The following PPL variants were observed in gnomAD, a reference collection of about 807,000 sequenced individuals.
PPL encodes periplakin.
PPL carries 198 observed loss-of-function variants against 194.4 expected under a neutral mutation model. The observed-to-expected ratio is 1.02, with a 90% CI of 0.91 to 1.15. The LOEUF is 1.15. Ranked by LOEUF, PPL falls within the 50% of genes most tolerant of loss-of-function variation. The pLI is 0.00. For missense variants in PPL, 2,885 were observed against 2,294.8 expected (o/e 1.26, Z -5.25); for synonymous variants, 1,220 against 972.4 (o/e 1.25, Z -4.74).
chr16:4,889,179 G>C, intron 18 of PPL, 118 bp from the exon 19 acceptor site: 1 of 697,572 alleles, frequency 1.4e-6, no homozygotes, highest in Non-Finnish European at 2.5e-6. Flanking sequence ...CACAAAGTAT[G>C]ATGAATGGCT....
chr16:4,891,026 A>C (rs905186652), intron 16 of PPL, 105 bp from the exon 17 acceptor site: 23 of 1,001,276 alleles, frequency 2.3e-5, no homozygotes, highest in Non-Finnish European at 2.9e-5. Context: ...GAGGGTGGGC[A>C]AGGCCACAGG....
At chr16:4,920,625 G>C (rs55658957) in intron 1 of PPL, among the ~76,000 whole-genome samples, 15,142 of 152,110 alleles carry the variant, frequency 0.1, 1,113 homozygotes, top group East Asian at 0.32. Flanking sequence ...ACCATGCCTG[G>C]CTAATTTTTG....
intron 1 of PPL, among the ~76,000 whole-genome samples, chr16:4,934,472 T>A (rs1490109873): frequency 6.6e-6 from 1 of 152,040 alleles, no homozygotes; most frequent in African/African-American, 2.4e-5. Context: ...AGCAGCCCTA[T>A]GCATGAGACA....
At position 4,884,283 on chromosome 16, in the gene PPL, C is replaced by A; in HGVS notation, c.4372G>T (p.Glu1458Ter). The A allele has an allele frequency of 6.2e-7, 1 of 1,612,890 alleles. No homozygotes were observed. The highest frequency in any genetic ancestry group is 1.3e-5 in the African/African-American group (1 of 74,982). The change falls in exon 22 of 22, where the codon GAG becomes TAG. Residue 1458 changes from glutamate (E) to a stop codon, truncating the protein, a stop_gained. Transcript: ENST00000345988. LOFTEE classifies it high-confidence loss of function. The surrounding 1 kb of genome is among the most constrained non-coding windows in gnomAD (Gnocchi z 5.7). The part of the protein sequence containing the change: ...VLQQDPQQAR[E>*]HALLRLQLEE... ...AGCTGGAGTCGGAGCAGGGCATGCT[C>A]TCGCGCCTGCTGCGGGTCCTGCTGC...
In PPL at chr16:4,926,803, T is replaced by A. The variant is rs554159627; in HGVS notation, c.62+10181A>T. Among the ~76,000 whole-genome samples, 10 of 139,928 alleles carry A rather than the reference T, an allele frequency of 7.1e-5. No homozygotes were observed. The South Asian group carries it at 2.0e-3, about 28-fold the overall frequency. The allele number at this position is 139,928 out of a possible 152,430, so 91.8% of individuals were successfully genotyped here. A position where few individuals can be genotyped will look rare whatever the true frequency, so the allele number is the denominator to read the frequency against. On this transcript the variant is annotated intron_variant, in intron 1 of 21. Transcript: ENST00000345988. ...CTGAGGCGGGAGAATGGCGTGAACC[T>A]GGGAGGCAGAACTTGCAGTGAGCTG...
At chr16:4,890,142 C>G in intron 18 of PPL, 42 bp downstream of exon 18, 1 of 1,613,512 alleles carries the variant, frequency 6.2e-7, no homozygotes. Context: ...CTGACCCTCC[C>G]TTGCCAGTGT....
intron 2 of PPL, among the ~76,000 whole-genome samples, chr16:4,905,790 G>C (rs2088669670): frequency 6.6e-6 from 1 of 152,156 alleles, no homozygotes; most frequent in South Asian, 2.1e-4. Context: ...CAGGGGGTTG[G>C]AGATGAGGCT....
chr16:4,920,345 G>GAAAGAA (rs1555523880), intron 1 of PPL, among the ~76,000 whole-genome samples: 2 of 25,168 alleles, frequency 7.9e-5, no homozygotes, highest in African/African-American at 1.3e-4. Flanking sequence ...GAGAGAGAGA[G>GAAAGAA]AGAAAGAAAG....
chr16:4,893,395 C>T (rs760328225), intron 13 of PPL, 25 bp from the exon 14 acceptor site: 18 of 1,601,362 alleles, frequency 1.1e-5, no homozygotes, highest in Admixed American at 5.0e-5. Flanking sequence ...AGGACACAGG[C>T]AGGTGTGACA....
chr16:4,883,733 C>T lies in PPL; in HGVS notation c.4922G>A (p.Gly1641Asp), dbSNP rs2088148251. 2 of 1,613,858 alleles carry T rather than the reference C, an allele frequency of 1.2e-6. No homozygotes were observed. Among genetic ancestry groups the T allele is most frequent in the East Asian group, 2.2e-5 (1 of 44,892 alleles). Residue 1641 changes from glycine (G) to aspartate (D), a missense_variant, in exon 22 of 22, where the codon GGC (glycine) becomes GAC (aspartate). Physicochemically the swap from Gly to Asp is moderately conservative, Grantham distance 94. Coordinates refer to ENST00000345988, the MANE Select transcript of PPL (RefSeq NM_002705.5). The surrounding 1 kb of genome is among the most constrained non-coding windows in gnomAD (Gnocchi z 4.8). ...CTGCTCCCGCTTGACGGCCACGGAG[C>T]CCAGGCGCTTCTGCAGCTCGTCGAT... is the stretch of plus-strand genomic sequence containing the variant. The part of the protein sequence containing the change: ...LEIDELQKRL[G>D]SVAVKREQRE...
rs533586904 is a variant in PPL, at chr16:4,902,349, C to T, written c.438+57G>A. On this transcript the variant is annotated intron_variant, in intron 4 of 21. Coordinates refer to ENST00000345988, the MANE Select transcript of PPL (RefSeq NM_002705.5). The surrounding 1 kb of genome is among the most constrained non-coding windows in gnomAD (Gnocchi z 4.0). ...TACATGGGTAGGCTCTCCCTGCACA[C>T]GCACAGCCCCCTCCCCAGCTGAAAC... The T allele has an allele frequency of 2.6e-5, 41 of 1,603,320 alleles. No homozygotes were observed. The highest frequency in any genetic ancestry group is 2.2e-4 in the South Asian group (20 of 89,160).
At chr16:4,901,757 T>A (rs1197904996) in intron 4 of PPL, among the ~76,000 whole-genome samples, 1 of 150,570 alleles carries the variant, frequency 6.6e-6, no homozygotes, top group Non-Finnish European at 1.5e-5. Flanking sequence ...CTGGCCAATG[T>A]GGCAAAGCCC....
Position 4,884,576 on chromosome 16 carries a change from T to C in PPL, c.4079A>G (p.Glu1360Gly). Residue 1360 changes from glutamate (E) to glycine (G), a missense_variant, in exon 22 of 22, where the codon GAG becomes GGG. Glu to Gly is a moderately conservative substitution (Grantham distance 98). Coordinates refer to ENST00000345988, the MANE Select transcript of PPL (RefSeq NM_002705.5). The surrounding 1 kb of genome is among the most constrained non-coding windows in gnomAD (Gnocchi z 5.7). ...VVQQEVVRYEEEPGLRAEASA... is the reference protein window; with the variant it reads ...VVQQEVVRYEGEPGLRAEASA... ...CGCCTCGGCCCGCAGGCCTGGCTCC[T>C]CCTCATACCTGACCACCTCCTGCTG... is the stretch of plus-strand genomic sequence containing the variant. 6.2e-7 allele frequency: 1 copy of C among 1,614,016 alleles called. No homozygotes were observed. The highest frequency in any genetic ancestry group is 1.1e-5 in the South Asian group (1 of 91,082).
chr16:4,893,391 C>T (rs751692088), intron 13 of PPL, 21 bp from the exon 14 acceptor site: 21 of 1,602,282 alleles, frequency 1.3e-5, no homozygotes, highest in Non-Finnish European at 1.7e-5. Flanking sequence ...AGGGAGGACA[C>T]AGGCAGGTGT....
rs1194128488 is a variant in PPL at position 4,902,290 on chromosome 16, C to A, written c.438+116G>T. 1 of 1,485,574 alleles carries A rather than the reference C, an allele frequency of 6.7e-7. No individual in the cohort carries two copies. Among genetic ancestry groups the A allele is most frequent in the East Asian group, 2.3e-5 (1 of 43,246 alleles). The allele number at this position is 1,485,574 out of a possible 1,614,324, so 92.0% of individuals were successfully genotyped here. A position where few individuals can be genotyped will look rare whatever the true frequency, so the allele number is the denominator to read the frequency against. On this transcript the variant is annotated intron_variant, in intron 4 of 21. Transcript: ENST00000345988. The surrounding 1 kb of genome is among the most constrained non-coding windows in gnomAD (Gnocchi z 4.0). The stretch of plus-strand genomic sequence containing the variant: ...GCACACTGGAAAACCATCAGGACCA[C>A]GACTGTCTCCCTGGTAAGACCCGGG...
intron 20 of PPL, 32 bp from the exon 21 acceptor site, chr16:4,887,259 C>G: frequency 4.6e-6 from 7 of 1,514,442 alleles, no homozygotes; most frequent in Non-Finnish European, 6.4e-6. Context: ...GAGCGGTCAA[C>G]AAACAGGTGT....
At chr16:4,905,483 C>T (rs555231054) in intron 2 of PPL, among the ~76,000 whole-genome samples, 4 of 152,224 alleles carry the variant, frequency 2.6e-5, no homozygotes, top group South Asian at 4.1e-4. Context: ...AGATCTTGCA[C>T]GGGATGAAAA....
At chr16:4,930,451 T>C (rs890221558) in intron 1 of PPL, among the ~76,000 whole-genome samples, 4 of 152,200 alleles carry the variant, frequency 2.6e-5, no homozygotes, top group Non-Finnish European at 5.9e-5. Flanking sequence ...CTGCTGGTCC[T>C]GGGGTGTGAA....
Position 4,888,217 on chromosome 16 carries a change from TC to T in PPL, c.2398del (p.Asp800ThrfsTer4). 1 of 1,588,210 alleles carries T rather than the reference TC, an allele frequency of 6.3e-7. No individual in the cohort carries two copies. The highest frequency in any genetic ancestry group is 8.6e-7 in the Non-Finnish European group (1 of 1,156,424). ...TAGTTTTTCTGCTTCTAACTCATAG[TC>T]CTGCATGAGGGAGAGACATGGCAGA... ...NSQQYQQAVKDYELEAEKLRS... is the reference protein window; with the variant it reads ...NSQQYQQAVKXYELEAEKLRS... On this transcript the variant is annotated frameshift_variant and splice_region_variant, in exon 20 of 22. Coordinates refer to ENST00000345988, the MANE Select transcript of PPL (RefSeq NM_002705.5). LOFTEE classifies it high-confidence loss of function.
Sources: allele counts gnomAD v4.1 joint callset (sites outside exome capture counted in the v4.1 genomes callset), GRCh38; gene constraint gnomAD v4.1.1; non-coding constraint Gnocchi (gnomAD v3.1); transcripts MANE v1.5; gene names NCBI Gene and HGNC (gene_info 2026-07-23, HGNC 2026-07-21).